Variants in ITM2C observed in about 807,000 individuals in gnomAD.
ITM2C encodes the protein integral membrane protein 2C, also known as BRICHOS domain containing 2C.
A neutral mutation model predicts 30.0 loss-of-function variants in ITM2C; 20 were observed. That is an observed-to-expected ratio of 0.67 (90% CI 0.47 to 0.97). ITM2C has a LOEUF of 0.97. ITM2C is among the 50% of genes least tolerant of loss of function. The pLI, the probability that ITM2C is intolerant of heterozygous loss-of-function variation, is 0.00. For missense variants in ITM2C, 366 were observed against 371.9 expected (o/e 0.98, Z 0.13); for synonymous variants, 167 against 156.4 (o/e 1.07, Z -0.51).
chr2:230,878,248 A>C lies in ITM2C; in HGVS notation c.*149A>C, dbSNP rs1574601526. ...TCTCCATTCCTCTCCAACCCTGCCC[A>C]CCTCCCTGTACCAGAGCTGTGATCT... On this transcript the variant is annotated 3_prime_UTR_variant, in exon 6 of 6. Coordinates refer to ENST00000326427, the MANE Select transcript of ITM2C (RefSeq NM_030926.6). The surrounding 1 kb of genome is among the most constrained non-coding windows in gnomAD (Gnocchi z 4.5). The C allele has an allele frequency of 1.1e-5, 5 of 441,058 alleles. No homozygotes were observed. Among genetic ancestry groups the C allele is most frequent in the South Asian group, 4.6e-5 (1 of 21,732 alleles). 27.3% of individuals were successfully genotyped at this position (441,058 alleles called of 1,614,324 possible). A position where few individuals can be genotyped will look rare whatever the true frequency, so the allele number is the denominator to read the frequency against.
At chr2:230,874,790 C>T (rs1217834410) in intron 2 of ITM2C, among the ~76,000 whole-genome samples, 1 of 151,932 alleles carries the variant, frequency 6.6e-6, no homozygotes, top group Non-Finnish European at 1.5e-5. Context: ...CCTCCAGGAG[C>T]CCCCTCCAGA....
rs1047936481 is a variant in ITM2C at position 230,878,435 on chromosome 2, C to T, written c.*336C>T. On this transcript the variant is annotated 3_prime_UTR_variant, in exon 6 of 6. Transcript: ENST00000326427. The surrounding 1 kb of genome is among the most constrained non-coding windows in gnomAD (Gnocchi z 4.5). ...GGAAGGACCGGTTGGGGGAGCCGGG[C>T]ATGTGAGGCCCTGGGCAAGGGGATG... is the stretch of plus-strand genomic sequence containing the variant. 1 of 179,902 alleles carries T rather than the reference C, an allele frequency of 5.6e-6. No individual in the cohort carries two copies. Among genetic ancestry groups the T allele is most frequent in the Admixed American group, 6.0e-5 (1 of 16,694 alleles). The allele number at this position is 179,902 out of a possible 1,614,324, so 11.1% of individuals were successfully genotyped here. A position where few individuals can be genotyped will look rare whatever the true frequency, so the allele number is the denominator to read the frequency against.
In ITM2C at chr2:230,877,690, G is replaced by A; in HGVS notation, c.712+140G>A. ...ATTAGCAGAGCACTTCCGTGTGCCG[G>A]GCAATGCTGTGTGCTCTTTATGACC... is the stretch of plus-strand genomic sequence containing the variant. On this transcript the variant is annotated intron_variant, in intron 5 of 5. Coordinates refer to ENST00000326427, the MANE Select transcript of ITM2C (RefSeq NM_030926.6). The surrounding 1 kb of genome is among the most constrained non-coding windows in gnomAD (Gnocchi z 4.8). 1 of 869,828 alleles carries A rather than the reference G, an allele frequency of 1.1e-6. No homozygotes were observed. The highest frequency in any genetic ancestry group is 1.8e-6 in the Non-Finnish European group (1 of 561,518). 53.9% of individuals were successfully genotyped at this position (869,828 alleles called of 1,614,324 possible).
Position 230,877,414 on chromosome 2 carries a change from G to T in ITM2C, c.576G>T (p.Leu192=). Residue 192 remains leucine (L), a synonymous_variant, in exon 5 of 6, where the codon CTG becomes CTT. Coordinates refer to ENST00000326427, the MANE Select transcript of ITM2C (RefSeq NM_030926.6). This position sits in a 1 kb window ranked among gnomAD's most constrained non-coding sequence, Gnocchi z 4.8. ...TTGTTTTGCAGAGGGGGACCTACCT[G>T]CCGCAGACGTACATCATCCAGGAGG... is the stretch of plus-strand genomic sequence containing the variant. ...LLMNVKRGTY[L]PQTYIIQEEM... The T allele has an allele frequency of 6.2e-7, 1 of 1,613,892 alleles. No individual in the cohort carries two copies. Among genetic ancestry groups the T allele is most frequent in the Non-Finnish European group, 8.5e-7 (1 of 1,179,976 alleles).
At chr2:230,876,829 A>G (rs1177480999) in intron 3 of ITM2C, 28 bp from the exon 4 acceptor site, 1 of 1,505,140 alleles carries the variant, frequency 6.6e-7, no homozygotes, top group Non-Finnish European at 9.2e-7. Context: ...CCTCCTGCAG[A>G]GACTGACCCA....
intron 3 of ITM2C, 116 bp from the exon 4 acceptor site, chr2:230,876,741 A>G: frequency 1.5e-6 from 1 of 661,684 alleles, no homozygotes; most frequent in Non-Finnish European, 2.7e-6. Flanking sequence ...CAGCCTCCCA[A>G]AGTGCTGGGA....
Position 230,865,096 on chromosome 2 carries a change from C to T in ITM2C, c.71C>T (p.Ser24Leu), listed in dbSNP as rs1696991474. The change falls in exon 1 of 6, where the codon TCG (serine) becomes TTG (leucine). Residue 24 changes from serine to leucine, a missense_variant. By Grantham distance (145) the Ser-to-Leu change is moderately radical. Coordinates refer to ENST00000326427, the MANE Select transcript of ITM2C (RefSeq NM_030926.6). The surrounding 1 kb of genome is among the most constrained non-coding windows in gnomAD (Gnocchi z 6.8). ...KGDKADKASA[S>L]APAPASATEI... ...GACAAGGCTGACAAGGCGTCGGCGT[C>T]GGCCCCTGCGCCGGCCTCGGCCACC... 2.6e-6 allele frequency: 4 copies of T among 1,522,646 alleles called. No homozygotes were observed. The East Asian group carries it at 7.9e-5, about 30-fold the overall frequency. 94.3% of individuals were successfully genotyped at this position (1,522,646 alleles called of 1,614,324 possible). A position where few individuals can be genotyped will look rare whatever the true frequency, so the allele number is the denominator to read the frequency against.
intron 1 of ITM2C, among the ~76,000 whole-genome samples, chr2:230,867,260 G>A (rs934822): frequency 0.22 from 33,901 of 152,140 alleles, 3,924 homozygotes; most frequent in Non-Finnish European, 0.25. Context: ...GCCCTGGCGT[G>A]GTGCAGAGGG....
At position 230,865,142 on chromosome 2, in the gene ITM2C, T is replaced by C; in HGVS notation, c.117T>C (p.Ala39=). ...CCACCGAGATCCTGCTGACGCCGGCTAGGGTGAGAGGGTCTGGGGCTCAGG... is the reference window on the plus strand; with the variant it reads ...CCACCGAGATCCTGCTGACGCCGGCCAGGGTGAGAGGGTCTGGGGCTCAGG... ...ASATEILLTP[A]REEQPPQHRS... Residue 39 remains alanine (A), a synonymous_variant, in exon 1 of 6, where the codon GCT becomes GCC. Coordinates refer to ENST00000326427, the MANE Select transcript of ITM2C (RefSeq NM_030926.6). This position sits in a 1 kb window ranked among gnomAD's most constrained non-coding sequence, Gnocchi z 6.8. 6.8e-7 allele frequency: 1 copy of C among 1,476,380 alleles called. No individual in the cohort carries two copies. 91.5% of individuals were successfully genotyped at this position (1,476,380 alleles called of 1,614,324 possible).
In ITM2C at chr2:230,865,730, G is replaced by A. The variant is rs1461391251; in HGVS notation, c.120+585G>A. The A allele has an allele frequency of 6.6e-6, 1 of 152,388 alleles. No individual in the cohort carries two copies. Among genetic ancestry groups the A allele is most frequent in the Non-Finnish European group, 1.5e-5 (1 of 68,146 alleles). 9.4% of individuals were successfully genotyped at this position (152,388 alleles called of 1,614,324 possible). ...TGCACCGGAATTGACAGACCAGAAA[G>A]TGATGAAATGGAAATCAGCCAGAAC... On this transcript the variant is annotated intron_variant, in intron 1 of 5. Coordinates refer to ENST00000326427, the MANE Select transcript of ITM2C (RefSeq NM_030926.6). The surrounding 1 kb of genome is among the most constrained non-coding windows in gnomAD (Gnocchi z 6.8).
Position 230,877,962 on chromosome 2 carries a change from T to A in ITM2C, c.713-46T>A. Reference sequence around the variant, plus strand: ...GGCTGAGGCTGGTGGTCTTTGTGACTCAGCCAGGATGCAGGGCTCACTGGG... The same window carrying A: ...GGCTGAGGCTGGTGGTCTTTGTGACACAGCCAGGATGCAGGGCTCACTGGG... On this transcript the variant is annotated intron_variant, in intron 5 of 5. Transcript: ENST00000326427. This position sits in a 1 kb window ranked among gnomAD's most constrained non-coding sequence, Gnocchi z 4.8. 1 of 1,503,370 alleles carries A rather than the reference T, an allele frequency of 6.7e-7. No individual in the cohort carries two copies. The highest frequency in any genetic ancestry group is 9.3e-7 in the Non-Finnish European group (1 of 1,080,594). 93.1% of individuals were successfully genotyped at this position (1,503,370 alleles called of 1,614,324 possible). A position where few individuals can be genotyped will look rare whatever the true frequency, so the allele number is the denominator to read the frequency against.
chr2:230,872,036 A>T (rs1284220741), intron 1 of ITM2C, among the ~76,000 whole-genome samples: 2 of 152,208 alleles, frequency 1.3e-5, no homozygotes, highest in African/African-American at 2.4e-5. Context: ...ATCTGTTCCC[A>T]TCCCAGAACG....
At position 230,876,859 on chromosome 2, in the gene ITM2C, TCTGA is replaced by T. The variant is rs754992150; in HGVS notation, c.457_460del (p.Thr153ArgfsTer31). On this transcript the variant is annotated frameshift_variant, in exon 4 of 6. Coordinates refer to ENST00000326427, the MANE Select transcript of ITM2C (RefSeq NM_030926.6). LOFTEE classifies it high-confidence loss of function. ...GACCCAACCCCTTCTCCTGCCAGGG[TCTGA>T]CTGCGTACCATGATATCTCCCTGGA... The T allele has an allele frequency of 1.9e-6, 3 of 1,609,692 alleles. No homozygotes were observed. Among genetic ancestry groups the T allele is most frequent in the Non-Finnish European group, 2.6e-6 (3 of 1,176,220 alleles).
chr2:230,866,021 G>T (rs536061662), intron 1 of ITM2C, among the ~76,000 whole-genome samples: 12 of 145,654 alleles, frequency 8.2e-5, no homozygotes, highest in Admixed American at 7.4e-4. Flanking sequence ...GGCCGGGGGG[G>T]AGAGAAGGCA....
chr2:230,870,881 C>T (rs3098333), intron 1 of ITM2C, among the ~76,000 whole-genome samples: 66,090 of 149,366 alleles, frequency 0.44, 16,128 homozygotes, highest in East Asian at 0.84. Context: ...TTTTTTTTTT[C>T]CCTTTTCTGT....
chr2:230,866,889 C>T (rs898780873), intron 1 of ITM2C, among the ~76,000 whole-genome samples: 6 of 152,112 alleles, frequency 3.9e-5, no homozygotes, highest in African/African-American at 1.4e-4. Flanking sequence ...TTTGCAGGAG[C>T]GGCACATTCT....
Position 230,869,126 on chromosome 2 carries a change from C to T in ITM2C, c.120+3981C>T, listed in dbSNP as rs550695805. ...CAACCTGGCCAGCCCCTCTGTCCAC[C>T]GCCCCACTCTCTCCAAGTTCCCTCT... On this transcript the variant is annotated intron_variant, in intron 1 of 5. Coordinates refer to ENST00000326427, the MANE Select transcript of ITM2C (RefSeq NM_030926.6). Among the ~76,000 whole-genome samples, 187 of 152,330 alleles carry T rather than the reference C, an allele frequency of 1.2e-3. 1 individual carries two copies. Among genetic ancestry groups the T allele is most frequent in the African/African-American group, 4.3e-3 (178 of 41,568 alleles).
At chr2:230,873,771 G>A (rs985429616) in intron 2 of ITM2C, among the ~76,000 whole-genome samples, 1 of 152,204 alleles carries the variant, frequency 6.6e-6, no homozygotes, top group Non-Finnish European at 1.5e-5. Flanking sequence ...TTGTCCTGGG[G>A]AGCCAAGCAT....
chr2:230,875,142 G>A (rs1042553865), intron 2 of ITM2C, among the ~76,000 whole-genome samples: 2 of 152,178 alleles, frequency 1.3e-5, no homozygotes, highest in Non-Finnish European at 2.9e-5. Flanking sequence ...TCTTAGGTTC[G>A]TCCTTGACCC....
Sources: gnomAD v4.1 joint callset for allele counts (sites outside exome capture counted in the v4.1 genomes callset) on GRCh38, gnomAD v4.1.1 for gene constraint, Gnocchi (gnomAD v3.1) non-coding constraint, MANE v1.5 for transcripts, NCBI Gene and HGNC (gene_info 2026-07-23, HGNC 2026-07-21) for gene names.